The following DISC1 variants were observed in gnomAD, a reference collection of about 807,000 sequenced individuals.
DISC1 encodes DISC1 scaffold protein.
A neutral mutation model predicts 84.5 loss-of-function variants in DISC1; 57 were observed. The ratio of observed to expected loss-of-function variants is 0.67; its 90% CI spans 0.55 to 0.84. The LOEUF is 0.84. Ranked by LOEUF, DISC1 falls within the 40% of genes least tolerant of loss-of-function variation. The pLI is 0.00. For synonymous variants in DISC1, 411 were observed against 415.2 expected (o/e 0.99, Z 0.12); for missense variants, 1,000 against 1,057.8 (o/e 0.95, Z 0.76).
intron 10 of DISC1, among the ~76,000 whole-genome samples, chr1:231,968,591 C>CAAA (rs34437165): frequency 1.7e-4 from 15 of 89,034 alleles, no homozygotes; most frequent in African/African-American, 5.2e-4. Flanking sequence ...GACTCCGTCT[C>CAAA]AAAAAAAAAA....
chr1:231,782,704 G>A (rs1012196719), intron 6 of DISC1, among the ~76,000 whole-genome samples: 4 of 152,122 alleles, frequency 2.6e-5, no homozygotes, highest in African/African-American at 4.8e-5. Flanking sequence ...TTGGGAGGCC[G>A]AGGTGGGAGG....
intron 9 of DISC1, among the ~76,000 whole-genome samples, chr1:231,846,140 G>A (rs892817215): frequency 5.3e-5 from 8 of 152,188 alleles, no homozygotes; most frequent in African/African-American, 1.9e-4. Context: ...GGGTAGGGGT[G>A]GGGAGTGAGC....
At chr1:232,013,247 G>T (rs1362207615) in intron 11 of DISC1, among the ~76,000 whole-genome samples, 2 of 152,256 alleles carry the variant, frequency 1.3e-5, no homozygotes, top group African/African-American at 4.8e-5. Flanking sequence ...TCTCATCCCA[G>T]CTGCTTCCTT....
At chr1:231,648,217 A>G (rs1170385552) in intron 1 of DISC1, among the ~76,000 whole-genome samples, 1 of 152,184 alleles carries the variant, frequency 6.6e-6, no homozygotes, top group East Asian at 1.9e-4. Flanking sequence ...AGCTCTTATT[A>G]TTTTGAGATA....
intron 9 of DISC1, among the ~76,000 whole-genome samples, chr1:231,858,108 C>T (rs2084393384): frequency 6.6e-6 from 1 of 152,196 alleles, no homozygotes; most frequent in African/African-American, 2.4e-5. Flanking sequence ...TCAGTTGTTT[C>T]ACCAAAAAAG....
intron 11 of DISC1, among the ~76,000 whole-genome samples, chr1:232,012,858 A>G (rs1300846829): frequency 6.6e-6 from 1 of 152,038 alleles, no homozygotes; most frequent in African/African-American, 2.4e-5. Context: ...TTTGCTTTGG[A>G]CTTTGTTACA....
intron 1 of DISC1, among the ~76,000 whole-genome samples, chr1:231,661,922 G>A (rs373479196): frequency 1.3e-5 from 2 of 152,284 alleles, no homozygotes; most frequent in East Asian, 1.9e-4. Context: ...ATAGGGTTTT[G>A]TGGGATTCTT....
At chr1:231,691,573 G>T (rs536372702) in intron 1 of DISC1, among the ~76,000 whole-genome samples, 3 of 152,214 alleles carry the variant, frequency 2.0e-5, no homozygotes, top group African/African-American at 7.2e-5. Context: ...TTATCTGGAT[G>T]ACTGGTATTT....
intron 9 of DISC1, among the ~76,000 whole-genome samples, chr1:231,833,604 C>G (rs1232682586): frequency 6.7e-6 from 1 of 149,390 alleles, no homozygotes; most frequent in Non-Finnish European, 1.5e-5. Context: ...ACAGATGAGA[C>G]GCGGCTTAGG....
chr1:231,846,052 G>A (rs1434833911), intron 9 of DISC1, among the ~76,000 whole-genome samples: 1 of 152,084 alleles, frequency 6.6e-6, no homozygotes, highest in Non-Finnish European at 1.5e-5. Flanking sequence ...GAAGCTGAAT[G>A]CCCTGAGCCT....
intron 6 of DISC1, 60 bp from the exon 7 acceptor site, chr1:231,795,182 T>G: frequency 6.6e-7 from 1 of 1,507,600 alleles, no homozygotes; most frequent in Non-Finnish European, 9.2e-7. Flanking sequence ...TGTTCCTAAC[T>G]GTAGTGGTAT....
rs544722138 is a variant in DISC1 at position 231,755,226 on chromosome 1, A to G, written c.1268+5150A>G. The stretch of plus-strand genomic sequence containing the variant: ...CTTTCTTCTTAATTTTTTTTTTTTG[A>G]GACAGAGTCTCACTCTATTGGCCAG... On this transcript the variant is annotated intron_variant, in intron 4 of 12. Coordinates refer to ENST00000439617, the MANE Select transcript of DISC1 (RefSeq NM_018662.3). Among the ~76,000 whole-genome samples the G allele has an allele frequency of 4.1e-5, 6 of 147,574 alleles. No individual in the cohort carries two copies. In the East Asian group the frequency reaches 1.2e-3, roughly 29 times the overall value.
chr1:231,666,762 G>A (rs1026936509), intron 1 of DISC1, among the ~76,000 whole-genome samples: 3 of 152,220 alleles, frequency 2.0e-5, no homozygotes, highest in African/African-American at 2.4e-5. Flanking sequence ...GGAAAAAGGC[G>A]TTCATCTTCA....
At chr1:231,923,508 C>A (rs778933912) in intron 9 of DISC1, among the ~76,000 whole-genome samples, 1 of 152,118 alleles carries the variant, frequency 6.6e-6, no homozygotes, top group Non-Finnish European at 1.5e-5. Context: ...TCTTTTTATT[C>A]TGCAACATTT....
chr1:232,004,054 A>G (rs1442606689), intron 10 of DISC1, among the ~76,000 whole-genome samples: 1 of 151,612 alleles, frequency 6.6e-6, no homozygotes, highest in Non-Finnish European at 1.5e-5. Flanking sequence ...CATATATTGG[A>G]CATGGTTAAA....
chr1:231,957,718 T>C (rs557478686), intron 9 of DISC1, among the ~76,000 whole-genome samples: 2 of 152,374 alleles, frequency 1.3e-5, no homozygotes, highest in African/African-American at 4.8e-5. Flanking sequence ...CTTTTTATCT[T>C]TTATGGACTA....
intron 1 of DISC1, among the ~76,000 whole-genome samples, chr1:231,685,447 T>C (rs2064148168): frequency 6.6e-6 from 1 of 151,994 alleles, no homozygotes; most frequent in African/African-American, 2.4e-5. Flanking sequence ...ACTTCTTTAT[T>C]TTATCTTATT....
intron 9 of DISC1, among the ~76,000 whole-genome samples, chr1:231,924,927 A>C (rs912284164): frequency 6.7e-6 from 1 of 148,844 alleles, no homozygotes; most frequent in Non-Finnish European, 1.5e-5. Flanking sequence ...AAGTGCTGGG[A>C]TTACAGGCGT....
rs1043224924 is a variant in DISC1, at chr1:231,654,058, T to A, written c.67+27124T>A. ...ACCTTGATTTTGCCAGAAAAGGCAA[T>A]CTCTTCTCAGTTGGTCTCCATGGTC... On this transcript the variant is annotated intron_variant, in intron 1 of 12. Coordinates refer to ENST00000439617, the MANE Select transcript of DISC1 (RefSeq NM_018662.3). 1.1e-4 allele frequency among the ~76,000 whole-genome samples: 17 copies of A among 152,212 alleles called. No homozygotes were observed. In the East Asian group the frequency reaches 3.3e-3, roughly 29 times the overall value.
Sources: allele counts gnomAD v4.1 joint callset (sites outside exome capture counted in the v4.1 genomes callset), GRCh38; gene constraint gnomAD v4.1.1; transcripts MANE v1.5; gene names NCBI Gene and HGNC (gene_info 2026-07-23, HGNC 2026-07-21).